Variants in MREG observed in about 807,000 individuals in gnomAD.
MREG encodes dilute suppressor protein homolog.
MREG carries 31 observed loss-of-function variants against 28.5 expected under a neutral mutation model. That is an observed-to-expected ratio of 1.09 (90% confidence interval 0.82 to 1.47). The LOEUF is 1.47. Ranked by LOEUF, MREG falls within the 40% of genes most tolerant of loss-of-function variation. MREG has a pLI of 0.00. For missense variants in MREG, 256 were observed against 257.4 expected (o/e 0.99, Z 0.04); for synonymous variants, 106 against 95.2 (o/e 1.11, Z -0.66).
chr2:216,001,709 G>C (rs1574644486), intron 1 of MREG, among the ~76,000 whole-genome samples: 1 of 152,224 alleles, frequency 6.6e-6, no homozygotes, highest in Non-Finnish European at 1.5e-5. Context: ...AAGCATCTGT[G>C]AGAGTTGGCC....
At chr2:216,007,132 C>G (rs1694174695) in intron 1 of MREG, among the ~76,000 whole-genome samples, 1 of 152,178 alleles carries the variant, frequency 6.6e-6, no homozygotes, top group East Asian at 1.9e-4. Context: ...CCTCAATGGC[C>G]AACTGGGGAT....
intron 2 of MREG, among the ~76,000 whole-genome samples, chr2:215,976,431 G>T (rs1693262988): frequency 6.6e-6 from 1 of 152,250 alleles, no homozygotes; most frequent in African/African-American, 2.4e-5. Context: ...CCTGTACCCA[G>T]TGCTTAAGGC....
intron 1 of MREG, among the ~76,000 whole-genome samples, chr2:216,000,980 CCT>C (rs999532258): frequency 6.6e-6 from 1 of 152,070 alleles, no homozygotes; most frequent in Non-Finnish European, 1.5e-5. Context: ...CCTCTCACAA[CCT>C]CTCTCTCTGT....
chr2:215,948,660 A>G (rs140682037), intron 2 of MREG, among the ~76,000 whole-genome samples: 1 of 152,208 alleles, frequency 6.6e-6, no homozygotes, highest in African/African-American at 2.4e-5. Context: ...TCAGTATAGC[A>G]TATTGGAAAA....
upstream of MREG, among the ~76,000 whole-genome samples, chr2:216,015,413 A>G (rs2105928175): frequency 6.6e-6 from 1 of 152,066 alleles, no homozygotes; most frequent in South Asian, 2.1e-4. Flanking sequence ...GAGAATATGG[A>G]CTCTAGGGGC....
At chr2:216,033,298 T>C (rs200682020), upstream of MREG, among the ~76,000 whole-genome samples, 1 of 152,114 alleles carries the variant, frequency 6.6e-6, no homozygotes, top group Non-Finnish European at 1.5e-5. Context: ...TAAAAAATAA[T>C]AACAACTGCC....
At chr2:216,011,437 C>G (rs748752522) in intron 1 of MREG, among the ~76,000 whole-genome samples, 2 of 152,188 alleles carry the variant, frequency 1.3e-5, no homozygotes, top group Non-Finnish European at 2.9e-5. Context: ...ATGTGTCACA[C>G]TCTATACTAA....
chr2:216,028,670 A>AT (rs1238962560), intron 1 of MREG, among the ~76,000 whole-genome samples: 1 of 151,646 alleles, frequency 6.6e-6, no homozygotes, highest in Non-Finnish European at 1.5e-5. Context: ...ATTTAATTCC[A>AT]TTTTTTCTCA....
intron 2 of MREG, among the ~76,000 whole-genome samples, chr2:215,952,436 G>A (rs1559174623): frequency 1.3e-5 from 2 of 152,086 alleles, no homozygotes; most frequent in Non-Finnish European, 2.9e-5. Context: ...GCTTCATGTT[G>A]TATATCTTGA....
At chr2:216,023,666 A>G (rs1214866739) in intron 1 of MREG, among the ~76,000 whole-genome samples, 1 of 152,072 alleles carries the variant, frequency 6.6e-6, no homozygotes, top group Non-Finnish European at 1.5e-5. Flanking sequence ...TTTACATTTT[A>G]TTTCTCTGAG....
At chr2:216,016,371 G>A (rs113601288), upstream of MREG, among the ~76,000 whole-genome samples, 8 of 152,202 alleles carry the variant, frequency 5.3e-5, no homozygotes, top group Non-Finnish European at 1.2e-4. Context: ...GTGGGTAAAG[G>A]AGGGTCCCAA....
At chr2:216,024,206 C>T (rs1006023519) in intron 1 of MREG, among the ~76,000 whole-genome samples, 5 of 152,054 alleles carry the variant, frequency 3.3e-5, no homozygotes, top group African/African-American at 1.2e-4. Context: ...GGCCACCCCT[C>T]CCTATCACTC....
chr2:215,955,193 C>T (rs1295286223), intron 2 of MREG, among the ~76,000 whole-genome samples: 1 of 152,080 alleles, frequency 6.6e-6, no homozygotes, highest in Non-Finnish European at 1.5e-5. Flanking sequence ...CAGCCTGTGT[C>T]AAAAATGTAA....
At chr2:215,996,248 T>TA in intron 2 of MREG, 58 bp downstream of exon 2, 1 of 1,498,612 alleles carries the variant, frequency 6.7e-7, no homozygotes, top group Non-Finnish European at 9.0e-7. Context: ...TCTCAGGAAT[T>TA]ACTATTTTTT....
At chr2:216,018,721 G>C (rs1433435866) in intron 1 of MREG, among the ~76,000 whole-genome samples, 1 of 152,198 alleles carries the variant, frequency 6.6e-6, no homozygotes, top group African/African-American at 2.4e-5. Flanking sequence ...TGTTACCAAA[G>C]TAAAATCCGC....
chr2:215,972,077 G>A (rs17314035), intron 2 of MREG, among the ~76,000 whole-genome samples: 4,421 of 152,170 alleles, frequency 0.029, 96 homozygotes, highest in Non-Finnish European at 0.045. Flanking sequence ...GATCGTTTTG[G>A]ACAGGAAACC....
intron 2 of MREG, among the ~76,000 whole-genome samples, chr2:215,950,693 A>G (rs1262771432): frequency 2.6e-5 from 4 of 152,244 alleles, no homozygotes; most frequent in Non-Finnish European, 5.9e-5. Context: ...AAACCAGTAG[A>G]AGCATTGACA....
chr2:216,012,755 T>C (rs893407713), intron 1 of MREG, among the ~76,000 whole-genome samples: 1 of 152,218 alleles, frequency 6.6e-6, no homozygotes, highest in South Asian at 2.1e-4. Context: ...TTTTTTCATG[T>C]GAAAAATATT....
intron 1 of MREG, 133 bp from the exon 2 acceptor site, chr2:215,996,598 A>G: frequency 9.4e-6 from 6 of 638,996 alleles, no homozygotes; most frequent in Non-Finnish European, 1.5e-5. Flanking sequence ...AAAAGGTCTG[A>G]ATTGTCTTTA....
Sources: gnomAD v4.1 joint callset for allele counts (sites outside exome capture counted in the v4.1 genomes callset) on GRCh38, gnomAD v4.1.1 for gene constraint, MANE v1.5 for transcripts, NCBI Gene and HGNC (gene_info 2026-07-23, HGNC 2026-07-21) for gene names.